CUX2: variants seen among roughly 807,000 people sequenced by gnomAD.
The protein encoded by CUX2 is cut like homeobox 2.
A neutral mutation model predicts 144.8 loss-of-function variants in CUX2; 40 were observed. That is an observed-to-expected ratio of 0.28 (90% CI 0.21 to 0.36). CUX2 has a LOEUF of 0.36. Among genes scored for constraint, CUX2 ranks in the 10% least tolerant of loss-of-function variants. CUX2 has a pLI of 1.00. For missense variants in CUX2, 1,615 were observed against 1,994.0 expected (o/e 0.81, Z 3.62); for synonymous variants, 827 against 875.6 (o/e 0.94, Z 0.98).
intron 1 of CUX2, among the ~76,000 whole-genome samples, chr12:111,062,036 C>T (rs1270891469): frequency 1.3e-5 from 2 of 152,238 alleles, no homozygotes; most frequent in African/African-American, 2.4e-5. Context: ...TTGCCTGAAG[C>T]ATGTAACCCA....
chr12:111,273,339 A>G (rs1428589384), intron 4 of CUX2, among the ~76,000 whole-genome samples: 2 of 152,176 alleles, frequency 1.3e-5, no homozygotes, highest in African/African-American at 4.8e-5. Context: ...AGGTTCCATC[A>G]TCCTTCCTCA....
At chr12:111,214,745 T>C (rs1881438486) in intron 2 of CUX2, among the ~76,000 whole-genome samples, 1 of 152,100 alleles carries the variant, frequency 6.6e-6, no homozygotes, top group African/African-American at 2.4e-5. Context: ...TCTCACCCCC[T>C]TTACGTTCAC....
At chr12:111,045,752 C>T (rs1349073491) in intron 1 of CUX2, among the ~76,000 whole-genome samples, 2 of 152,118 alleles carry the variant, frequency 1.3e-5, no homozygotes, top group East Asian at 1.9e-4. Flanking sequence ...GAGAGGCTTT[C>T]GGCAACTCCC....
At position 111,059,443 on chromosome 12, in the gene CUX2, G is replaced by A. The variant is rs1870669280; in HGVS notation, c.63+25203G>A. Among the ~76,000 whole-genome samples the A allele has an allele frequency of 6.6e-6, 1 of 152,240 alleles. No individual in the cohort carries two copies. On this transcript the variant is annotated intron_variant, in intron 1 of 21. Transcript: ENST00000261726. The surrounding 1 kb of genome is among the most constrained non-coding windows in gnomAD (Gnocchi z 5.3). ...AGAGATAGCCAGGCCAACTCCCAGT[G>A]AGGGGAGCAGGACTACTGCCTGATT...
At chr12:111,040,912 C>T (rs2136001919) in intron 1 of CUX2, among the ~76,000 whole-genome samples, 1 of 152,334 alleles carries the variant, frequency 6.6e-6, no homozygotes, top group Middle Eastern at 3.4e-3. Context: ...CTGTAGTTTG[C>T]CTGCCCTGGG....
intron 1 of CUX2, among the ~76,000 whole-genome samples, chr12:111,040,153 G>A (rs982892064): frequency 1.3e-5 from 2 of 151,894 alleles, no homozygotes; most frequent in African/African-American, 2.4e-5. Flanking sequence ...TGGACATGGT[G>A]GCACCTGCCT....
intron 2 of CUX2, 68 bp from the exon 3 acceptor site, chr12:111,217,822 T>A (rs1389015378): frequency 1.5e-5 from 23 of 1,544,548 alleles, no homozygotes; most frequent in Non-Finnish European, 2.1e-5. Context: ...AGCAGCGAGC[T>A]ACAAGCAGGG....
Position 111,334,684 on chromosome 12 carries a change from A to G in CUX2, c.3170A>G (p.Lys1057Arg). ...ACGTACTCCATCACCAAGAGGGTGA[A>G]GGAGGTCCTCACAGACAACAATCTA... ...LDTYSITKRV[K>R]EVLTDNNLGQ... Residue 1057 changes from lysine to arginine, a missense_variant, in exon 19 of 22, where the codon AAG becomes AGG. Coordinates refer to ENST00000261726, the MANE Select transcript of CUX2 (RefSeq NM_015267.4). 6.2e-7 allele frequency: 1 copy of G among 1,612,292 alleles called. No individual in the cohort carries two copies. The highest frequency in any genetic ancestry group is 8.5e-7 in the Non-Finnish European group (1 of 1,179,094).
At chr12:111,100,540 G>A (rs1873158062) in intron 1 of CUX2, among the ~76,000 whole-genome samples, 1 of 152,154 alleles carries the variant, frequency 6.6e-6, no homozygotes, top group African/African-American at 2.4e-5. Flanking sequence ...GTGGGTCTGT[G>A]TGGGTGCAGA....
intron 18 of CUX2, among the ~76,000 whole-genome samples, chr12:111,324,059 G>A (rs764189690): frequency 1.3e-5 from 2 of 151,830 alleles, no homozygotes; most frequent in African/African-American, 2.4e-5. Context: ...TTAATAAAAT[G>A]AAATGTATAG....
At chr12:111,236,248 C>T (rs1882737268) in intron 3 of CUX2, among the ~76,000 whole-genome samples, 1 of 152,178 alleles carries the variant, frequency 6.6e-6, no homozygotes, top group African/African-American at 2.4e-5. Context: ...GCTGAACCAA[C>T]AGATTCCTCA....
rs1423007070 is a variant in CUX2, at chr12:111,179,374, A to C, written c.64-34826A>C. Among the ~76,000 whole-genome samples, 4 of 152,230 alleles carry C rather than the reference A, an allele frequency of 2.6e-5. No homozygotes were observed. In the East Asian group the frequency reaches 5.8e-4, roughly 22 times the overall value. On this transcript the variant is annotated intron_variant, in intron 1 of 21. Coordinates refer to ENST00000261726, the MANE Select transcript of CUX2 (RefSeq NM_015267.4). ...TCAGGAGACCACATATAAGGTGCAC[A>C]GGATGGGGACACCAAGCACCCAAGA... is the stretch of plus-strand genomic sequence containing the variant.
At position 111,298,506 on chromosome 12, in the gene CUX2, A is replaced by C. The variant is rs371327937; in HGVS notation, c.705-35A>C. On this transcript the variant is annotated intron_variant, in intron 8 of 21. Transcript: ENST00000261726. ...GGGGCGGGGGCCTGGAGCCCGCCGG[A>C]AGCCCTTCCTCAGGGCCTCATCTTT... The C allele has an allele frequency of 2.6e-3, 4,011 of 1,554,806 alleles. 18 individuals are homozygous for C. Among genetic ancestry groups the C allele is most frequent in the South Asian group, 0.013 (1,126 of 84,524 alleles).
chr12:111,252,113 G>A (rs1276790736), intron 3 of CUX2, among the ~76,000 whole-genome samples: 1 of 152,158 alleles, frequency 6.6e-6, no homozygotes, highest in African/African-American at 2.4e-5. Flanking sequence ...TTGAGCCCAG[G>A]AGTTTGAGGC....
intron 3 of CUX2, among the ~76,000 whole-genome samples, chr12:111,258,197 A>T (rs1883932756): frequency 1.3e-5 from 2 of 152,200 alleles, no homozygotes; most frequent in Admixed American, 1.3e-4. Flanking sequence ...CATTAGGCCC[A>T]GTACCAGGTC....
At position 111,068,245 on chromosome 12, in the gene CUX2, G is replaced by A. The variant is rs1871102290; in HGVS notation, c.63+34005G>A. ...AATGCCACTTTTTCTAATTTTGCCG[G>A]AGTTGCCCTCCCCACTTTCCCTCTT... is the stretch of plus-strand genomic sequence containing the variant. On this transcript the variant is annotated intron_variant, in intron 1 of 21. Transcript: ENST00000261726. The surrounding 1 kb of genome is among the most constrained non-coding windows in gnomAD (Gnocchi z 4.9). Among the ~76,000 whole-genome samples the A allele has an allele frequency of 6.6e-6, 1 of 151,898 alleles. No homozygotes were observed.
rs1886636437 is a variant in CUX2, at chr12:111,307,275, GCT to G, written c.1109+20_1109+21del. On this transcript the variant is annotated intron_variant, in intron 12 of 21. Transcript: ENST00000261726. The surrounding 1 kb of genome is among the most constrained non-coding windows in gnomAD (Gnocchi z 4.1). ...GAGCTGAGGTACCATGTGGGGTGGGGCTCCACAGACCCTCAGTGCTCTTCCCT... is the reference window on the plus strand; with the variant it reads ...GAGCTGAGGTACCATGTGGGGTGGGGCCACAGACCCTCAGTGCTCTTCCCT... The G allele has an allele frequency of 1.2e-6, 2 of 1,609,760 alleles. No homozygotes were observed. The highest frequency in any genetic ancestry group is 3.3e-5 in the Admixed American group (2 of 60,000).
intron 3 of CUX2, among the ~76,000 whole-genome samples, chr12:111,223,874 T>C (rs1881982912): frequency 6.6e-6 from 1 of 152,152 alleles, no homozygotes; most frequent in Non-Finnish European, 1.5e-5. Flanking sequence ...TCCTTTCAAA[T>C]GTCAGGTCCT....
intron 4 of CUX2, among the ~76,000 whole-genome samples, chr12:111,265,040 T>C (rs1305712617): frequency 6.6e-6 from 1 of 152,152 alleles, no homozygotes; most frequent in Non-Finnish European, 1.5e-5. Flanking sequence ...CTAAATGTCA[T>C]TGAATTGTTC....
Sources: gnomAD v4.1 joint callset for allele counts (sites outside exome capture counted in the v4.1 genomes callset) on GRCh38, gnomAD v4.1.1 for gene constraint, Gnocchi (gnomAD v3.1) non-coding constraint, MANE v1.5 for transcripts, NCBI Gene and HGNC (gene_info 2026-07-23, HGNC 2026-07-21) for gene names.